Variants in TAFA4 observed in about 807,000 individuals in gnomAD.
TAFA4 encodes the protein TAFA chemokine like family member 4, also known as chemokine-like protein TAFA-4.
In TAFA4, 20 loss-of-function variants were observed where a neutral mutation model predicts 21.1. That is an observed-to-expected ratio of 0.95 (90% confidence interval 0.67 to 1.38). The LOEUF is 1.38. Among genes scored for constraint, TAFA4 ranks in the 40% most tolerant of loss-of-function variants. The probability of loss-of-function intolerance (pLI) is 0.00; values close to 1 mark genes in which losing one functional copy is unlikely to be tolerated. For synonymous variants in TAFA4, 71 were observed against 67.4 expected, an observed-to-expected ratio of 1.05 and a Z score of -0.26; for missense variants, 211 against 180.9, an observed-to-expected ratio of 1.17 and a Z score of -0.95.
At chr3:68,766,150 G>A (rs965014366) in intron 3 of TAFA4, among the ~76,000 whole-genome samples, 8 of 151,948 alleles carry the variant, frequency 5.3e-5, no homozygotes, top group Admixed American at 5.2e-4. Flanking sequence ...GAGAGAAAGA[G>A]AAGGAGAAAG....
chr3:68,914,529 A>G (rs2107010693), intron 1 of TAFA4, among the ~76,000 whole-genome samples: 1 of 152,088 alleles, frequency 6.6e-6, no homozygotes, highest in African/African-American at 2.4e-5. Flanking sequence ...TTATGTGTAA[A>G]GTTAGTAACT....
At chr3:68,825,271 C>T (rs1426182822) in intron 3 of TAFA4, among the ~76,000 whole-genome samples, 1 of 152,174 alleles carries the variant, frequency 6.6e-6, no homozygotes, top group Non-Finnish European at 1.5e-5. Context: ...ATAATGACCT[C>T]CAGCTCCATC....
chr3:68,845,963 C>T (rs1322668845), intron 3 of TAFA4, among the ~76,000 whole-genome samples: 1 of 152,158 alleles, frequency 6.6e-6, no homozygotes. Context: ...TCCTTCATTT[C>T]AACCTTGGTC....
At chr3:68,856,316 C>G (rs1353603731) in intron 3 of TAFA4, among the ~76,000 whole-genome samples, 1 of 152,080 alleles carries the variant, frequency 6.6e-6, no homozygotes, top group Non-Finnish European at 1.5e-5. Flanking sequence ...AATAAGAATG[C>G]TTTATTATTT....
chr3:68,818,838 A>G (rs1424441889), intron 3 of TAFA4, among the ~76,000 whole-genome samples: 2 of 152,266 alleles, frequency 1.3e-5, no homozygotes, highest in African/African-American at 2.4e-5. Context: ...ACAGATAATC[A>G]TAATAATGAA....
intron 3 of TAFA4, among the ~76,000 whole-genome samples, chr3:68,808,757 C>T (rs546224314): frequency 6.6e-6 from 1 of 152,318 alleles, no homozygotes; most frequent in East Asian, 1.9e-4. Context: ...GGTTAAGTTA[C>T]ACTGCAATAA....
At chr3:68,751,733 T>A (rs1308812973) in intron 4 of TAFA4, among the ~76,000 whole-genome samples, 2 of 152,218 alleles carry the variant, frequency 1.3e-5, no homozygotes, top group Non-Finnish European at 2.9e-5. Context: ...GCTGCATGAA[T>A]ATTCATACAT....
intron 3 of TAFA4, among the ~76,000 whole-genome samples, chr3:68,766,573 C>A (rs1702859214): frequency 1.3e-5 from 2 of 150,598 alleles, no homozygotes; most frequent in Middle Eastern, 3.4e-3. Context: ...CAGAAAATTC[C>A]AAAAGCAAAG....
chr3:68,805,737 T>A (rs536226222), intron 3 of TAFA4, among the ~76,000 whole-genome samples: 1 of 150,128 alleles, frequency 6.7e-6, no homozygotes, highest in East Asian at 2.0e-4. Context: ...TTCTCACTCA[T>A]AGGTGGGAAT....
At position 68,732,551 on chromosome 3, in the gene TAFA4, A is replaced by C. The variant is rs1055330701; in HGVS notation, c.*591T>G. On this transcript the variant is annotated 3_prime_UTR_variant, in exon 6 of 6. Coordinates refer to ENST00000295569, the MANE Select transcript of TAFA4 (RefSeq NM_182522.5). ...TGGAAAGCAAAAAAAAAATAGAAGT[A>C]AAAATACAATGCACACACAATAATC... The C allele has an allele frequency of 6.6e-6, 1 of 152,624 alleles. No homozygotes were observed. Among genetic ancestry groups the C allele is most frequent in the Non-Finnish European group, 1.5e-5 (1 of 68,042 alleles). The allele number at this position is 152,624 out of a possible 1,614,324, so 9.5% of individuals were successfully genotyped here. A position where few individuals can be genotyped will look rare whatever the true frequency, so the allele number is the denominator to read the frequency against.
intron 3 of TAFA4, among the ~76,000 whole-genome samples, chr3:68,860,477 A>C (rs1575645567): frequency 1.3e-5 from 2 of 152,304 alleles, no homozygotes; most frequent in South Asian, 4.1e-4. Context: ...TTAGTTAGGT[A>C]GTGCTCCTTT....
intron 3 of TAFA4, among the ~76,000 whole-genome samples, chr3:68,806,793 C>T (rs565274015): frequency 1.1e-3 from 164 of 152,230 alleles, no homozygotes; most frequent in African/African-American, 3.8e-3. Context: ...GAGAAAAAAA[C>T]AAGAAGTCTG....
intron 3 of TAFA4, among the ~76,000 whole-genome samples, chr3:68,788,543 A>G (rs531105171): frequency 2.6e-5 from 4 of 152,344 alleles, no homozygotes; most frequent in African/African-American, 9.6e-5. Flanking sequence ...AATCATTGAC[A>G]AGACCAACAT....
intron 3 of TAFA4, among the ~76,000 whole-genome samples, chr3:68,807,165 C>A (rs1703719159): frequency 6.6e-6 from 1 of 152,230 alleles, no homozygotes; most frequent in African/African-American, 2.4e-5. Context: ...TGGCTAGTGA[C>A]TTGAATCATG....
At chr3:68,912,651 C>G (rs2089971769) in intron 1 of TAFA4, among the ~76,000 whole-genome samples, 2 of 152,168 alleles carry the variant, frequency 1.3e-5, no homozygotes, top group Admixed American at 1.3e-4. Context: ...TAGCTGAAAA[C>G]CGGGAGGACC....
intron 4 of TAFA4, among the ~76,000 whole-genome samples, chr3:68,748,723 G>A (rs867074290): frequency 1.5e-4 from 20 of 134,088 alleles, no homozygotes; most frequent in East Asian, 4.3e-4. Flanking sequence ...CAGCCTGGGC[G>A]AAAAAGCGAG....
At chr3:68,741,944 T>C (rs1258618581) in intron 4 of TAFA4, among the ~76,000 whole-genome samples, 1 of 152,152 alleles carries the variant, frequency 6.6e-6, no homozygotes, top group Non-Finnish European at 1.5e-5. Flanking sequence ...TATAGGCCAA[T>C]ATCCTTGATA....
At chr3:68,787,328 A>G (rs1447275265) in intron 3 of TAFA4, among the ~76,000 whole-genome samples, 1 of 152,210 alleles carries the variant, frequency 6.6e-6, no homozygotes, top group Non-Finnish European at 1.5e-5. Context: ...CTGTTCATCC[A>G]TTAGGCTGAG....
At chr3:68,873,451 T>C (rs892968757) in intron 3 of TAFA4, among the ~76,000 whole-genome samples, 8 of 151,600 alleles carry the variant, frequency 5.3e-5, no homozygotes, top group African/African-American at 1.9e-4. Flanking sequence ...TGAAAGCAAC[T>C]AACTAGACAA....
Sources: gnomAD v4.1 joint callset for allele counts (sites outside exome capture counted in the v4.1 genomes callset) on GRCh38, gnomAD v4.1.1 for gene constraint, MANE v1.5 for transcripts, NCBI Gene and HGNC (gene_info 2026-07-23, HGNC 2026-07-21) for gene names.